The following ST8SIA6 variants were observed in gnomAD, a reference collection of about 807,000 sequenced individuals.
ST8SIA6 encodes the protein ST8 alpha-N-acetyl-neuraminide alpha-2,8-sialyltransferase 6.
ST8SIA6 carries 39 observed loss-of-function variants against 33.6 expected under a neutral mutation model. The observed-to-expected ratio is 1.16, with a 90% CI of 0.90 to 1.52. The LOEUF (loss-of-function observed/expected upper bound fraction) is 1.52, where lower values mean the gene tolerates loss of function less well. Ranked by LOEUF, ST8SIA6 falls within the 40% of genes most tolerant of loss-of-function variation. The pLI is 0.00. For missense variants in ST8SIA6, 441 were observed against 443.8 expected (o/e 0.99, Z 0.06); for synonymous variants, 172 against 167.2 (o/e 1.03, Z -0.22).
At chr10:17,436,614 C>T (rs1232208465) in intron 2 of ST8SIA6, among the ~76,000 whole-genome samples, 2 of 148,332 alleles carry the variant, frequency 1.3e-5, no homozygotes, top group East Asian at 4.0e-4. Flanking sequence ...TGAGTGAGAA[C>T]ATGCAGTGTT....
chr10:17,434,769 G>A (rs1215720910), intron 2 of ST8SIA6, among the ~76,000 whole-genome samples: 1 of 152,118 alleles, frequency 6.6e-6, no homozygotes, highest in East Asian at 1.9e-4. Context: ...AAGGAAAACT[G>A]AGTTGGTTAA....
intron 6 of ST8SIA6, among the ~76,000 whole-genome samples, chr10:17,324,013 T>C (rs1050511995): frequency 3.3e-5 from 5 of 152,174 alleles, no homozygotes; most frequent in African/African-American, 7.2e-5. Flanking sequence ...AATGTTCTTA[T>C]AGTGATGTTT....
At chr10:17,341,527 G>A (rs761754571) in intron 4 of ST8SIA6, among the ~76,000 whole-genome samples, 19 of 152,276 alleles carry the variant, frequency 1.2e-4, no homozygotes, top group Middle Eastern at 6.8e-3. Flanking sequence ...CAAAGCCCCA[G>A]TATGATGGTA....
intron 4 of ST8SIA6, among the ~76,000 whole-genome samples, chr10:17,341,858 A>T (rs1848683694): frequency 6.9e-6 from 1 of 145,658 alleles, no homozygotes; most frequent in African/African-American, 2.6e-5. Flanking sequence ...TGGAGACCGC[A>T]CTACTGCACT....
intron 2 of ST8SIA6, chr10:17,410,480 A>G (rs1851415069): frequency 6.6e-6 from 1 of 152,242 alleles, no homozygotes; most frequent in Non-Finnish European, 1.5e-5. Context: ...TTGTAAGACA[A>G]TAATAGCAAA....
intron 3 of ST8SIA6, among the ~76,000 whole-genome samples, chr10:17,382,312 C>T (rs1850180521): frequency 6.6e-6 from 1 of 151,990 alleles, no homozygotes; most frequent in Non-Finnish European, 1.5e-5. Flanking sequence ...ATCACCCAGG[C>T]TGGAATGCAT....
intron 6 of ST8SIA6, among the ~76,000 whole-genome samples, chr10:17,326,549 T>C (rs529745161): frequency 6.6e-6 from 1 of 152,326 alleles, no homozygotes; most frequent in African/African-American, 2.4e-5. Flanking sequence ...ATGATACAGT[T>C]TGCAGGGCTG....
chr10:17,341,423 A>G (rs949745692), intron 4 of ST8SIA6, among the ~76,000 whole-genome samples: 5 of 152,196 alleles, frequency 3.3e-5, no homozygotes, highest in Admixed American at 2.0e-4. Context: ...AGGTAAAGGA[A>G]TAATGAGATT....
rs1165578414 is a variant in ST8SIA6, at chr10:17,333,672, GATATATATATATAT to G, written c.378-2134_378-2121del. On this transcript the variant is annotated intron_variant, in intron 4 of 7. Transcript: ENST00000377602. The stretch of plus-strand genomic sequence containing the variant: ...TTCCCTACTTAATAAATGGTGCTGG[GATATATATATATAT>G]ATATATATATATATATATATATATA... 7.4e-4 allele frequency among the ~76,000 whole-genome samples: 26 copies of G among 35,212 alleles called. 1 individual carries two copies. The highest frequency in any genetic ancestry group is 1.9e-3 in the African/African-American group (12 of 6,416). The allele number at this position is 35,212 out of a possible 152,430, so 23.1% of individuals were successfully genotyped here.
At chr10:17,398,098 G>C (rs981388915) in intron 2 of ST8SIA6, among the ~76,000 whole-genome samples, 1 of 152,082 alleles carries the variant, frequency 6.6e-6, no homozygotes, top group East Asian at 1.9e-4. Flanking sequence ...AGGCTGCGGC[G>C]GGTGGATCAC....
intron 3 of ST8SIA6, among the ~76,000 whole-genome samples, chr10:17,382,984 G>A (rs1230467683): frequency 6.6e-6 from 1 of 152,162 alleles, no homozygotes; most frequent in Non-Finnish European, 1.5e-5. Context: ...AAGGCTTGTG[G>A]AAGTTATATT....
chr10:17,421,837 G>A (rs577522944), intron 2 of ST8SIA6, among the ~76,000 whole-genome samples: 2 of 152,172 alleles, frequency 1.3e-5, no homozygotes, highest in Non-Finnish European at 2.9e-5. Context: ...AAAGTACTGG[G>A]ATAATAGGCA....
chr10:17,427,182 G>A (rs939744985), intron 2 of ST8SIA6, among the ~76,000 whole-genome samples: 1 of 151,950 alleles, frequency 6.6e-6, no homozygotes, highest in Non-Finnish European at 1.5e-5. Flanking sequence ...TCAATGCCAC[G>A]GTCTGATGAT....
intron 3 of ST8SIA6, among the ~76,000 whole-genome samples, chr10:17,373,197 A>G (rs955783166): frequency 6.6e-6 from 1 of 152,098 alleles, no homozygotes; most frequent in Non-Finnish European, 1.5e-5. Context: ...CTGACAAGCA[A>G]CTCCAGCAGA....
chr10:17,354,112 A>G (rs897979423), intron 4 of ST8SIA6, among the ~76,000 whole-genome samples: 1 of 152,192 alleles, frequency 6.6e-6, no homozygotes, highest in Non-Finnish European at 1.5e-5. Flanking sequence ...ACTGGAGCTC[A>G]AAGATCTGCG....
intron 2 of ST8SIA6, among the ~76,000 whole-genome samples, chr10:17,395,559 A>G (rs77912126): frequency 0.015 from 2,312 of 152,246 alleles, 36 homozygotes; most frequent in Non-Finnish European, 0.021. Context: ...AAATTTTTTT[A>G]ATTTTATTCT....
chr10:17,322,990 T>TA lies in ST8SIA6; in HGVS notation c.728+74dup. The TA allele has an allele frequency of 2.2e-6, 3 of 1,341,924 alleles. No individual in the cohort carries two copies. The South Asian group carries it at 4.0e-5, about 18-fold the overall frequency. The allele number at this position is 1,341,924 out of a possible 1,614,324, so 83.1% of individuals were successfully genotyped here. On this transcript the variant is annotated intron_variant, in intron 7 of 7. Transcript: ENST00000377602. The stretch of plus-strand genomic sequence containing the variant: ...TGCAAGTCAGTCTCAGCAACAAGAT[T>TA]AGTGCTTAAGCTGAGAAACATGTTG...
At chr10:17,426,149 C>T (rs1300228699) in intron 2 of ST8SIA6, among the ~76,000 whole-genome samples, 1 of 152,200 alleles carries the variant, frequency 6.6e-6, no homozygotes, top group Non-Finnish European at 1.5e-5. Flanking sequence ...GCCCCTGCTT[C>T]TTCACTCTGT....
chr10:17,422,431 C>G (rs1251518319), intron 2 of ST8SIA6, among the ~76,000 whole-genome samples: 3 of 152,158 alleles, frequency 2.0e-5, no homozygotes, highest in Non-Finnish European at 4.4e-5. Flanking sequence ...ATTTATATAT[C>G]CTTTTCTGTC....
Sources: allele counts gnomAD v4.1 joint callset (sites outside exome capture counted in the v4.1 genomes callset), GRCh38; gene constraint gnomAD v4.1.1; transcripts MANE v1.5; gene names NCBI Gene and HGNC (gene_info 2026-07-23, HGNC 2026-07-21).